The following ADAMTS19 variants were observed in gnomAD, a reference collection of about 807,000 sequenced individuals.
ADAMTS19 encodes ADAM metallopeptidase with thrombospondin type 1 motif 19.
A neutral mutation model predicts 153.3 loss-of-function variants in ADAMTS19; 93 were observed. The ratio of observed to expected loss-of-function variants is 0.61; its 90% confidence interval spans 0.51 to 0.72. The LOEUF is 0.72. Among genes scored for constraint, ADAMTS19 ranks in the 30% least tolerant of loss-of-function variants. The probability of loss-of-function intolerance (pLI) is 0.00; values close to 1 mark genes in which losing one functional copy is unlikely to be tolerated. For synonymous variants in ADAMTS19, 600 were observed against 556.6 expected, an observed-to-expected ratio of 1.08 and a Z score of -1.10; for missense variants, 1,482 against 1,552.1, an observed-to-expected ratio of 0.95 and a Z score of 0.76.
chr5:129,646,767 T>TAG (rs1753082711), intron 11 of ADAMTS19, among the ~76,000 whole-genome samples: 1 of 152,178 alleles, frequency 6.6e-6, no homozygotes, highest in African/African-American at 2.4e-5. Context: ...CCATTAAGTG[T>TAG]AGAAGTTCAT....
At chr5:129,714,810 G>T (rs1003179437) in intron 21 of ADAMTS19, among the ~76,000 whole-genome samples, 1 of 152,096 alleles carries the variant, frequency 6.6e-6, no homozygotes, top group South Asian at 2.1e-4. Flanking sequence ...TTTAACAAAA[G>T]ATTTTCCTTA....
intron 13 of ADAMTS19, among the ~76,000 whole-genome samples, chr5:129,653,101 G>A (rs1179092565): frequency 6.6e-6 from 1 of 152,148 alleles, no homozygotes; most frequent in Non-Finnish European, 1.5e-5. Context: ...TTAACTGTCT[G>A]TCTTCTCTTT....
chr5:129,677,101 C>T (rs1754584444), intron 16 of ADAMTS19, among the ~76,000 whole-genome samples: 1 of 152,072 alleles, frequency 6.6e-6, no homozygotes, highest in Non-Finnish European at 1.5e-5. Context: ...TAGGAAAAAT[C>T]ATTAATTATT....
chr5:129,630,956 C>G (rs1473737830), intron 10 of ADAMTS19, among the ~76,000 whole-genome samples: 2 of 151,926 alleles, frequency 1.3e-5, no homozygotes. Flanking sequence ...AGATAGCCAA[C>G]AAACTCCTTA....
At chr5:129,585,565 G>T (rs1000042785) in intron 7 of ADAMTS19, among the ~76,000 whole-genome samples, 1 of 152,026 alleles carries the variant, frequency 6.6e-6, no homozygotes, top group African/African-American at 2.4e-5. Context: ...AATTTGGGGA[G>T]ATATTAACAT....
intron 8 of ADAMTS19, among the ~76,000 whole-genome samples, chr5:129,616,204 A>C (rs1022740230): frequency 6.6e-6 from 1 of 151,996 alleles, no homozygotes; most frequent in African/African-American, 2.4e-5. Flanking sequence ...CTCCATGAAC[A>C]CACAATAGTG....
At chr5:129,578,894 A>G (rs537035990) in intron 7 of ADAMTS19, among the ~76,000 whole-genome samples, 40 of 152,286 alleles carry the variant, frequency 2.6e-4, no homozygotes, top group African/African-American at 9.6e-4. Flanking sequence ...CAGTGCTGCA[A>G]TATACATACG....
chr5:129,611,664 C>A (rs535407002), intron 8 of ADAMTS19, among the ~76,000 whole-genome samples: 14 of 152,192 alleles, frequency 9.2e-5, no homozygotes, highest in African/African-American at 3.1e-4. Context: ...GTTTTGATAC[C>A]AGTACCATGC....
At chr5:129,602,697 T>C (rs2126933628) in intron 8 of ADAMTS19, among the ~76,000 whole-genome samples, 1 of 152,322 alleles carries the variant, frequency 6.6e-6, no homozygotes, top group South Asian at 2.1e-4. Flanking sequence ...TTAATGTTTA[T>C]AACTTGTAGA....
chr5:129,732,701 A>G (rs1022014939), intron 21 of ADAMTS19, among the ~76,000 whole-genome samples: 6 of 152,090 alleles, frequency 3.9e-5, no homozygotes, highest in South Asian at 2.1e-4. Context: ...ATGCTCATAT[A>G]TTATAAGAAT....
chr5:129,517,462 C>T (rs560426463), intron 3 of ADAMTS19, among the ~76,000 whole-genome samples: 35 of 151,868 alleles, frequency 2.3e-4, no homozygotes, highest in Non-Finnish European at 4.0e-4. Context: ...TATATGGGTG[C>T]TCCAGTGTTG....
chr5:129,717,208 T>A (rs1017899102), intron 21 of ADAMTS19, among the ~76,000 whole-genome samples: 1 of 152,104 alleles, frequency 6.6e-6, no homozygotes, highest in Admixed American at 6.5e-5. Context: ...TTTACCCTTC[T>A]CAAAAATATC....
chr5:129,585,756 A>G (rs1749755677), intron 7 of ADAMTS19, among the ~76,000 whole-genome samples: 1 of 152,204 alleles, frequency 6.6e-6, no homozygotes, highest in Non-Finnish European at 1.5e-5. Context: ...CACATAGTAT[A>G]GAATTAGAGG....
intron 4 of ADAMTS19, 136 bp downstream of exon 4, chr5:129,526,592 C>A: frequency 1.3e-6 from 1 of 792,096 alleles, no homozygotes; most frequent in Non-Finnish European, 1.9e-6. Flanking sequence ...TAAAAAAATA[C>A]TTAGGTATAT....
intron 11 of ADAMTS19, among the ~76,000 whole-genome samples, chr5:129,647,428 G>T (rs1034971843): frequency 2.0e-5 from 3 of 151,750 alleles, no homozygotes; most frequent in Admixed American, 1.3e-4. Flanking sequence ...ATTATTATCG[G>T]TTTCTTAAAT....
chr5:129,711,596 A>G (rs1756474350), intron 21 of ADAMTS19, among the ~76,000 whole-genome samples: 1 of 152,052 alleles, frequency 6.6e-6, no homozygotes, highest in Non-Finnish European at 1.5e-5. Flanking sequence ...AAATTGCTTG[A>G]ACCCAGGAGG....
At chr5:129,693,444 C>T (rs1422748759) in intron 18 of ADAMTS19, among the ~76,000 whole-genome samples, 1 of 152,112 alleles carries the variant, frequency 6.6e-6, no homozygotes, top group Non-Finnish European at 1.5e-5. Flanking sequence ...AACTAATGGG[C>T]CTTTCAATAG....
chr5:129,621,381 G>A (rs1273586741), intron 9 of ADAMTS19, among the ~76,000 whole-genome samples: 1 of 152,158 alleles, frequency 6.6e-6, no homozygotes, highest in Non-Finnish European at 1.5e-5. Flanking sequence ...AGTAGTTAGT[G>A]AGATGTTTAA....
intron 14 of ADAMTS19, among the ~76,000 whole-genome samples, chr5:129,656,979 G>A (rs559000206): frequency 6.6e-6 from 1 of 152,146 alleles, no homozygotes; most frequent in African/African-American, 2.4e-5. Flanking sequence ...TTCCCCATTG[G>A]AACATGGAAA....
Sources: allele counts gnomAD v4.1 joint callset (sites outside exome capture counted in the v4.1 genomes callset), GRCh38; gene constraint gnomAD v4.1.1; transcripts MANE v1.5; gene names NCBI Gene and HGNC (gene_info 2026-07-23, HGNC 2026-07-21).